MROH7: variants seen among roughly 807,000 people sequenced by gnomAD.
MROH7 encodes maestro heat-like repeat-containing protein family member 7.
Under a neutral mutation model 129.2 loss-of-function variants are expected in MROH7, and 113 were observed. The ratio of observed to expected loss-of-function variants is 0.87; its 90% CI spans 0.75 to 1.02. The LOEUF is 1.02. Ranked by LOEUF, MROH7 falls within the 50% of genes least tolerant of loss-of-function variation. The probability of loss-of-function intolerance (pLI) is 0.00; values close to 1 mark genes in which losing one functional copy is unlikely to be tolerated. For synonymous variants in MROH7, 655 were observed against 667.9 expected (o/e 0.98, Z 0.30); for missense variants, 1,601 against 1,671.3 (o/e 0.96, Z 0.73).
At chr1:54,683,993 A>G (rs1374235552) in intron 14 of MROH7, among the ~76,000 whole-genome samples, 1 of 152,242 alleles carries the variant, frequency 6.6e-6, no homozygotes, top group Non-Finnish European at 1.5e-5. Flanking sequence ...ACATGAAGAC[A>G]TTGCTGTCCT....
chr1:54,684,318 C>A (rs1023994952), intron 14 of MROH7, among the ~76,000 whole-genome samples: 1 of 152,228 alleles, frequency 6.6e-6, no homozygotes, highest in Non-Finnish European at 1.5e-5. Flanking sequence ...GGACTCAAAC[C>A]CAGCAGATCT....
chr1:54,675,974 A>G (rs946397430), intron 10 of MROH7, among the ~76,000 whole-genome samples: 1 of 152,114 alleles, frequency 6.6e-6, no homozygotes, highest in African/African-American at 2.4e-5. Flanking sequence ...GAAAGAAAGG[A>G]AAATGAGTAG....
intron 4 of MROH7, among the ~76,000 whole-genome samples, chr1:54,667,882 C>T (rs763194132): frequency 6.6e-6 from 1 of 152,144 alleles, no homozygotes; most frequent in Non-Finnish European, 1.5e-5. Context: ...CCCAGGAATT[C>T]GAGATTATAG....
chr1:54,700,245 A>C (rs752947874), intron 17 of MROH7, 76 bp from the exon 18 acceptor site: 2 of 1,576,328 alleles, frequency 1.3e-6, no homozygotes, highest in Middle Eastern at 3.3e-4. Flanking sequence ...TCCAATGTGC[A>C]ATCCCAGTGC....
chr1:54,681,430 G>A (rs1401619922), intron 13 of MROH7, among the ~76,000 whole-genome samples: 1 of 152,228 alleles, frequency 6.6e-6, no homozygotes, highest in Non-Finnish European at 1.5e-5. Flanking sequence ...ATCCTGGGAA[G>A]CTCAATGCTA....
chr1:54,699,175 CTTTCTTTCTTTCTCTT>C (rs1645387753), intron 17 of MROH7: 7 of 127,692 alleles, frequency 5.5e-5, no homozygotes, highest in African/African-American at 1.5e-4. Context: ...TTCTTTCTTT[CTTTCTTTCTTTCTCTT>C]TCTTTCTTTC....
intron 10 of MROH7, among the ~76,000 whole-genome samples, chr1:54,675,832 G>T (rs982247750): frequency 3.3e-5 from 5 of 151,374 alleles, no homozygotes; most frequent in African/African-American, 1.2e-4. Context: ...AAAAATACTG[G>T]GGTTTCAAGA....
chr1:54,674,053 G>A lies in MROH7; in HGVS notation c.1838G>A (p.Gly613Glu), dbSNP rs1644944939. 1.2e-6 allele frequency: 2 copies of A among 1,614,168 alleles called. No individual in the cohort carries two copies. The highest frequency in any genetic ancestry group is 1.7e-5 in the Admixed American group (1 of 60,024). Reference sequence around the variant, plus strand: ...TTCCCGGCGCTGGGGCTTCTGCTGGGGAGACTCATCCTTCACATTGGGGAT... The same window carrying A: ...TTCCCGGCGCTGGGGCTTCTGCTGGAGAGACTCATCCTTCACATTGGGGAT... ...LGFPALGLLLGRLILHIGDPD... is the reference protein window; with the variant it reads ...LGFPALGLLLERLILHIGDPD... The change falls in exon 10 of 24, where the codon GGG becomes GAG. Residue 613 changes from glycine to glutamate, a missense_variant. By Grantham distance (98) the Gly-to-Glu change is moderately conservative. Transcript: ENST00000421030.
chr1:54,686,559 G>A, intron 15 of MROH7, 111 bp downstream of exon 15: 1 of 971,382 alleles, frequency 1.0e-6, no homozygotes, highest in Non-Finnish European at 1.5e-6. Flanking sequence ...TCAGCTTTGG[G>A]ACTAGAAGAG....
intron 15 of MROH7, among the ~76,000 whole-genome samples, chr1:54,690,404 C>T (rs553489452): frequency 1.9e-4 from 28 of 150,154 alleles, no homozygotes; most frequent in African/African-American, 5.9e-4. Context: ...GGATCAACTA[C>T]GAATGATGCA....
At chr1:54,697,621 T>A (rs1645344209) in intron 17 of MROH7, 1 of 700,298 alleles carries the variant, frequency 1.4e-6, no homozygotes, top group Admixed American at 2.0e-5. Flanking sequence ...TGTATTGACC[T>A]CTTTCAAATG....
chr1:54,678,423 G>C (rs1645014344), intron 10 of MROH7, among the ~76,000 whole-genome samples: 1 of 152,056 alleles, frequency 6.6e-6, no homozygotes, highest in Non-Finnish European at 1.5e-5. Flanking sequence ...ATATAATGTT[G>C]AGCAGAAGAA....
chr1:54,696,979 CCTTA>C (rs1279125181), intron 17 of MROH7, among the ~76,000 whole-genome samples: 1 of 152,110 alleles, frequency 6.6e-6, no homozygotes, highest in Non-Finnish European at 1.5e-5. Flanking sequence ...GTCAAAATTT[CCTTA>C]CTTTTTAAGA....
At chr1:54,688,311 A>T (rs1292886145) in intron 15 of MROH7, among the ~76,000 whole-genome samples, 1 of 149,084 alleles carries the variant, frequency 6.7e-6, no homozygotes, top group Non-Finnish European at 1.5e-5. Context: ...GGCTCAAGTG[A>T]TCCTCCAACC....
intron 15 of MROH7, among the ~76,000 whole-genome samples, chr1:54,690,461 T>A (rs1645216576): frequency 6.6e-6 from 1 of 151,786 alleles, no homozygotes; most frequent in South Asian, 2.1e-4. Context: ...TCCTTTTTTT[T>A]TTTAGACGGA....
chr1:54,656,487 G>T (rs1450021919), intron 3 of MROH7, among the ~76,000 whole-genome samples: 3 of 144,740 alleles, frequency 2.1e-5, no homozygotes, highest in African/African-American at 7.8e-5. Flanking sequence ...TCCAGCCAGG[G>T]AGACAGAGCA....
intron 1 of MROH7, among the ~76,000 whole-genome samples, chr1:54,645,260 G>A (rs760433335): frequency 6.6e-6 from 1 of 151,844 alleles, no homozygotes; most frequent in African/African-American, 2.4e-5. Context: ...TGACATTTTA[G>A]GTATTACATT....
At chr1:54,691,767 T>C (rs560310922) in intron 15 of MROH7, among the ~76,000 whole-genome samples, 7 of 149,330 alleles carry the variant, frequency 4.7e-5, no homozygotes, top group African/African-American at 1.7e-4. Context: ...GATCGCACCA[T>C]TGCACTCCAG....
In MROH7 at chr1:54,652,960, C is replaced by T. The variant is rs1644579860; in HGVS notation, c.34C>T (p.His12Tyr). The change falls in exon 3 of 24, where the codon CAT becomes TAT. Residue 12 changes from histidine (H) to tyrosine (Y), a missense_variant. Physicochemically the swap from His to Tyr is moderately conservative, Grantham distance 83 (BLOSUM62 2). Transcript: ENST00000421030. Reference protein sequence around the residue: ...ALSPGANLVFHEDPKMTPSPP... With the variant: ...ALSPGANLVFYEDPKMTPSPP... ...GAGTCCAGGGGCTAACCTGGTCTTCCATGAAGACCCAAAGATGACACCAAG... is the reference window on the plus strand; with the variant it reads ...GAGTCCAGGGGCTAACCTGGTCTTCTATGAAGACCCAAAGATGACACCAAG... 2 of 1,609,310 alleles carry T rather than the reference C, an allele frequency of 1.2e-6. No homozygotes were observed. The highest frequency in any genetic ancestry group is 1.7e-5 in the Admixed American group (1 of 59,214).
Sources: allele counts gnomAD v4.1 joint callset (sites outside exome capture counted in the v4.1 genomes callset), GRCh38; gene constraint gnomAD v4.1.1; transcripts MANE v1.5; gene names NCBI Gene and HGNC (gene_info 2026-07-23, HGNC 2026-07-21).